Variants in GNE observed in about 807,000 individuals in gnomAD.
GNE encodes bifunctional UDP-N-acetylglucosamine 2-epimerase/N-acetylmannosamine kinase.
A neutral mutation model predicts 61.8 loss-of-function variants in GNE; 41 were observed. That is an observed-to-expected ratio of 0.66 (90% CI 0.52 to 0.86). The LOEUF (loss-of-function observed/expected upper bound fraction) is 0.86. Among genes scored for constraint, GNE ranks in the 40% least tolerant of loss-of-function variants. The pLI, the probability that GNE is intolerant of heterozygous loss-of-function variation, is 0.00. For synonymous variants in GNE, 264 were observed against 326.4 expected (o/e 0.81, Z 2.06); for missense variants, 608 against 909.1 (o/e 0.67, Z 4.26).
At chr9:36,258,997 C>A (rs1052363884), upstream of GNE, among the ~76,000 whole-genome samples, 2 of 152,212 alleles carry the variant, frequency 1.3e-5, no homozygotes, top group African/African-American at 2.4e-5. Context: ...AGGGAACTCC[C>A]AGCCAGTCCC....
At chr9:36,267,113 C>G (rs1436463183) in intron 1 of GNE, among the ~76,000 whole-genome samples, 1 of 152,216 alleles carries the variant, frequency 6.6e-6, no homozygotes, top group African/African-American at 2.4e-5. Flanking sequence ...ATATCCTAAA[C>G]TGTATCAGCT....
At position 36,275,851 on chromosome 9, in the gene GNE, T is replaced by C. The variant is rs79409846; in HGVS notation, c.51+1043A>G. 8.8e-3 allele frequency among the ~76,000 whole-genome samples: 1,333 copies of C among 152,284 alleles called. 17 individuals are homozygous for C. Among genetic ancestry groups the C allele is most frequent in the African/African-American group, 0.03 (1,265 of 41,554 alleles). On this transcript the variant is annotated intron_variant, in intron 1 of 11. Transcript: ENST00000396594. Reference sequence around the variant, plus strand: ...TAGGAGTAAACTGTGTTGGCAATAATTGCAGGAATAATATCATCTGATTGA... The same window carrying C: ...TAGGAGTAAACTGTGTTGGCAATAACTGCAGGAATAATATCATCTGATTGA...
upstream of GNE, chr9:36,258,551 G>A (rs1830494996): frequency 1.0e-6 from 1 of 973,230 alleles, no homozygotes. Flanking sequence ...GAGAGCTCGC[G>A]TGATTGGCTG....
intron 3 of GNE, among the ~76,000 whole-genome samples, chr9:36,237,452 G>A (rs1443049353): frequency 1.3e-5 from 2 of 152,144 alleles, no homozygotes; most frequent in Admixed American, 6.5e-5. Flanking sequence ...GATTCAACAA[G>A]TGGCAAGTGT....
At position 36,218,352 on chromosome 9, in the gene GNE, G is replaced by A; in HGVS notation, c.1817-53C>T. 1 of 1,269,214 alleles carries A rather than the reference G, an allele frequency of 7.9e-7. No individual in the cohort carries two copies. Among genetic ancestry groups the A allele is most frequent in the South Asian group, 1.2e-5 (1 of 83,942 alleles). 78.6% of individuals were successfully genotyped at this position (1,269,214 alleles called of 1,614,324 possible). A position where few individuals can be genotyped will look rare whatever the true frequency, so the allele number is the denominator to read the frequency against. ...CACTAATGAGCTGTGGGGAGGCCAA[G>A]CTCACCACTGGGCCTGTGGAAAGCA... On this transcript the variant is annotated intron_variant, in intron 10 of 11. Coordinates refer to ENST00000642385, the MANE Select transcript of GNE (RefSeq NM_005476.7). This position sits in a 1 kb window ranked among gnomAD's most constrained non-coding sequence, Gnocchi z 4.1.
At chr9:36,265,124 G>T (rs1377785386) in intron 1 of GNE, 1 of 285,084 alleles carries the variant, frequency 3.5e-6, no homozygotes, top group South Asian at 3.6e-5. Flanking sequence ...TGCTGCTCCC[G>T]ATCGGGCTGA....
intron 3 of GNE, 28 bp from the exon 4 acceptor site, chr9:36,237,012 C>T: frequency 6.4e-7 from 1 of 1,570,614 alleles, no homozygotes; most frequent in Non-Finnish European, 8.8e-7. Context: ...AACCACATTG[C>T]TTCATTAGTT....
Position 36,233,922 on chromosome 9 carries a change from G to A in GNE, c.980C>T (p.Thr327Ile), listed in dbSNP as rs1442314907. 10 of 1,611,640 alleles carry A rather than the reference G, an allele frequency of 6.2e-6. No homozygotes were observed. Among genetic ancestry groups the A allele is most frequent in the Non-Finnish European group, 8.5e-6 (10 of 1,177,746 alleles). The change falls in exon 5 of 12, where the codon ACA becomes ATA. Residue 327 changes from threonine to isoleucine, a missense_variant and splice_region_variant. By Grantham distance (89) the Thr-to-Ile change is moderately conservative. Coordinates refer to ENST00000642385, the MANE Select transcript of GNE (RefSeq NM_005476.7). ...GAAGTATGAGCAAAGGTAAATACCT[G>A]TTTCTCTTCCAATCTGACGTGTTCC... ...NLGTRQIGRE[T>I]GENVLHVRDA...
At chr9:36,217,858 TGTTAATA>T (rs1446361463) in intron 11 of GNE, among the ~76,000 whole-genome samples, 1 of 152,116 alleles carries the variant, frequency 6.6e-6, no homozygotes, top group Non-Finnish European at 1.5e-5. Context: ...TCGAAGGAAA[TGTTAATA>T]GTTGATACCT....
upstream of GNE, among the ~76,000 whole-genome samples, chr9:36,261,606 A>G (rs2133176388): frequency 6.7e-6 from 1 of 150,194 alleles, no homozygotes; most frequent in African/African-American, 2.4e-5. Context: ...TATTCTGCCT[A>G]CCACAAGAGG....
rs6476540 is a variant in GNE, at chr9:36,249,756, T to A, written c.-42-359A>T. Among the ~76,000 whole-genome samples, 848 of 151,802 alleles carry A rather than the reference T, an allele frequency of 5.6e-3. 9 individuals carry two copies. The highest frequency in any genetic ancestry group is 0.019 in the African/African-American group (790 of 41,398). On this transcript the variant is annotated intron_variant, in intron 1 of 11. Transcript: ENST00000642385. ...AAAATTAGCTGGGCGTGGTGGCGGGTACCTGTAGTCCCAGCTACTCGGGAG... is the reference window on the plus strand; with the variant it reads ...AAAATTAGCTGGGCGTGGTGGCGGGAACCTGTAGTCCCAGCTACTCGGGAG...
At chr9:36,260,888 A>C (rs1285883618), upstream of GNE, among the ~76,000 whole-genome samples, 25 of 148,332 alleles carry the variant, frequency 1.7e-4, 2 homozygotes, top group African/African-American at 5.3e-4. Context: ...AAAAAAAAAA[A>C]AAAAAAAAAA....
chr9:36,227,174 C>A, intron 7 of GNE, 74 bp downstream of exon 7: 1 of 904,226 alleles, frequency 1.1e-6, no homozygotes, highest in Non-Finnish European at 1.8e-6. Flanking sequence ...TCTTACCTTC[C>A]AACTATATAT....
chr9:36,249,776 C>G (rs1016538842), intron 1 of GNE, among the ~76,000 whole-genome samples: 1 of 151,804 alleles, frequency 6.6e-6, no homozygotes, highest in East Asian at 1.9e-4. Flanking sequence ...CCCAGCTACT[C>G]GGGAGGTTGA....
At chr9:36,217,666 G>T in intron 11 of GNE, 66 bp from the exon 12 acceptor site, 1 of 982,020 alleles carries the variant, frequency 1.0e-6, no homozygotes, top group Non-Finnish European at 1.6e-6. Flanking sequence ...CAAAGAGGAA[G>T]GCAGAAAAGA....
In GNE at chr9:36,264,753, G is replaced by A. The variant is rs934950308; in HGVS notation, c.51+12141C>T. Among the ~76,000 whole-genome samples the A allele has an allele frequency of 7.5e-4, 114 of 152,172 alleles. 1 individual carries two copies. The highest frequency in any genetic ancestry group is 2.7e-3 in the African/African-American group (112 of 41,430). On this transcript the variant is annotated intron_variant, in intron 1 of 11. Coordinates refer to the GNE transcript ENST00000396594. ...CACACCCGACCAATCAGGTAGTAAA[G>A]AGAGCTCACTAAAATGCCAATCAGA...
chr9:36,236,206 C>CTT (rs974986312), intron 4 of GNE, among the ~76,000 whole-genome samples: 2 of 147,426 alleles, frequency 1.4e-5, no homozygotes. Context: ...TTCACTTCAA[C>CTT]TTTTTTTTTT....
chr9:36,235,802 C>T (rs1290205439), intron 4 of GNE, among the ~76,000 whole-genome samples: 2 of 152,082 alleles, frequency 1.3e-5, no homozygotes, highest in African/African-American at 4.8e-5. Context: ...TTGGTGATAT[C>T]TTGACATTGC....
In GNE at chr9:36,216,319, G is replaced by A. The variant is rs1366154806; in HGVS notation, c.*1046C>T. ...CTGTGATCTTAGTTTGGGGTTAGAG[G>A]AGGAAGGATGTGTGTGTGTGTGTGT... is the stretch of plus-strand genomic sequence containing the variant. On this transcript the variant is annotated 3_prime_UTR_variant, in exon 12 of 12. Transcript: ENST00000642385. 4.4e-6 allele frequency: 2 copies of A among 453,770 alleles called. No homozygotes were observed. Among genetic ancestry groups the A allele is most frequent in the South Asian group, 3.1e-5 (2 of 64,402 alleles). 28.1% of individuals were successfully genotyped at this position (453,770 alleles called of 1,614,324 possible). A position where few individuals can be genotyped will look rare whatever the true frequency, so the allele number is the denominator to read the frequency against.
Sources: allele counts gnomAD v4.1 joint callset (sites outside exome capture counted in the v4.1 genomes callset), GRCh38; gene constraint gnomAD v4.1.1; non-coding constraint Gnocchi (gnomAD v3.1); transcripts MANE v1.5; gene names NCBI Gene and HGNC (gene_info 2026-07-23, HGNC 2026-07-21).